The following MAP3K13 variants were observed in gnomAD, a reference collection of about 807,000 sequenced individuals.
MAP3K13 encodes the protein mitogen-activated protein kinase kinase kinase 13.
Under a neutral mutation model 104.0 loss-of-function variants are expected in MAP3K13, and 52 were observed. The ratio of observed to expected loss-of-function variants is 0.50; its 90% confidence interval spans 0.40 to 0.63. The LOEUF is 0.63. Ranked by LOEUF, MAP3K13 falls within the 20% of genes least tolerant of loss-of-function variation. The probability of loss-of-function intolerance (pLI) is 0.00; values close to 1 mark genes in which losing one functional copy is unlikely to be tolerated. For synonymous variants in MAP3K13, 394 were observed against 442.2 expected, an observed-to-expected ratio of 0.89 and a Z score of 1.37; for missense variants, 914 against 1,218.5, an observed-to-expected ratio of 0.75 and a Z score of 3.72.
chr3:185,436,208 G>T (rs1330253944), intron 2 of MAP3K13, among the ~76,000 whole-genome samples: 1 of 152,082 alleles, frequency 6.6e-6, no homozygotes, highest in Non-Finnish European at 1.5e-5. Context: ...TAGGCTTATG[G>T]TAAAAATAGT....
At chr3:185,464,319 G>A (rs1227691170) in intron 8 of MAP3K13, among the ~76,000 whole-genome samples, 4 of 152,106 alleles carry the variant, frequency 2.6e-5, no homozygotes, top group African/African-American at 9.7e-5. Context: ...ACATGTTCAC[G>A]AATAATCACT....
intron 1 of MAP3K13, among the ~76,000 whole-genome samples, chr3:185,395,649 T>C (rs6800825): frequency 0.95 from 142,919 of 151,026 alleles, 67,660 homozygotes; most frequent in East Asian, 1. Flanking sequence ...TGAGCCACCG[T>C]GCCCGGCCTT....
chr3:185,418,672 A>T lies in MAP3K13; in HGVS notation c.-85-9825A>T. 1 of 1,611,752 alleles carries T rather than the reference A, an allele frequency of 6.2e-7. No homozygotes were observed. On this transcript the variant is annotated intron_variant, in intron 1 of 13. Transcript: ENST00000265026. The surrounding 1 kb of genome is among the most constrained non-coding windows in gnomAD (Gnocchi z 4.5). Reference sequence around the variant, plus strand: ...CAAGTTGGTGTGAACAAAGTTCACAATATCTGGTCGAATAGGAGCCTTGAA... The same window carrying T: ...CAAGTTGGTGTGAACAAAGTTCACATTATCTGGTCGAATAGGAGCCTTGAA...
In MAP3K13 at chr3:185,340,682, G is replaced by A. The variant is rs550947353; in HGVS notation, c.-86+55039G>A. 4.6e-5 allele frequency among the ~76,000 whole-genome samples: 7 copies of A among 152,204 alleles called. 1 individual carries two copies. The South Asian group carries it at 1.5e-3, about 32-fold the overall frequency. On this transcript the variant is annotated intron_variant, in intron 2 of 14. Transcript: ENST00000424227. ...TCACGTGTCAAGGGCGGGACCAGGT[G>A]GAGGTAATTAGATCACGGGGGTAGT... is the stretch of plus-strand genomic sequence containing the variant.
Position 185,484,992 on chromosome 3 carries a change from G to A in MAP3K13, c.*2536G>A, listed in dbSNP as rs572381397. ...TTTCTGTGTACAACAATCATCTGAG[G>A]ACGCATGTTCTGCCCTGAAGCCCAA... is the stretch of plus-strand genomic sequence containing the variant. On this transcript the variant is annotated 3_prime_UTR_variant, in exon 14 of 14. Coordinates refer to ENST00000265026, the MANE Select transcript of MAP3K13 (RefSeq NM_004721.5). 3 of 152,210 alleles carry A rather than the reference G, an allele frequency of 2.0e-5. No individual in the cohort carries two copies. The highest frequency in any genetic ancestry group is 7.2e-5 in the African/African-American group (3 of 41,530). 9.4% of individuals were successfully genotyped at this position (152,210 alleles called of 1,614,324 possible). A position where few individuals can be genotyped will look rare whatever the true frequency, so the allele number is the denominator to read the frequency against.
intron 1 of MAP3K13, among the ~76,000 whole-genome samples, chr3:185,403,241 G>A (rs1314226390): frequency 1.3e-5 from 2 of 152,172 alleles, no homozygotes; most frequent in African/African-American, 4.8e-5. Context: ...GGAAATTGCT[G>A]AAGTCTAAAC....
Position 185,423,779 on chromosome 3 carries a change from C to T in MAP3K13, c.-85-4718C>T, listed in dbSNP as rs544025546. On this transcript the variant is annotated intron_variant, in intron 1 of 13. Coordinates refer to ENST00000265026, the MANE Select transcript of MAP3K13 (RefSeq NM_004721.5). The surrounding 1 kb of genome is among the most constrained non-coding windows in gnomAD (Gnocchi z 4.1). Reference sequence around the variant, plus strand: ...AGCTTTCAGAGCCCACGTGTGGCAGCAGGAGTTACCCTTGCTGCACACTGC... The same window carrying T: ...AGCTTTCAGAGCCCACGTGTGGCAGTAGGAGTTACCCTTGCTGCACACTGC... 8.5e-5 allele frequency among the ~76,000 whole-genome samples: 13 copies of T among 152,300 alleles called. No individual in the cohort carries two copies. The East Asian group carries it at 2.5e-3, about 29-fold the overall frequency.
chr3:185,406,352 G>A (rs1030546417), intron 1 of MAP3K13, among the ~76,000 whole-genome samples: 1 of 152,208 alleles, frequency 6.6e-6, no homozygotes, highest in Non-Finnish European at 1.5e-5. Context: ...GGCATATTTA[G>A]AAGTATGCTA....
intron 2 of MAP3K13, among the ~76,000 whole-genome samples, chr3:185,344,478 C>G (rs1722840732): frequency 6.6e-6 from 1 of 152,116 alleles, no homozygotes; most frequent in African/African-American, 2.4e-5. Context: ...CATATATTAC[C>G]CTGCTCTGCT....
intron 11 of MAP3K13, among the ~76,000 whole-genome samples, chr3:185,474,442 T>C (rs1007209544): frequency 5.3e-5 from 8 of 152,240 alleles, no homozygotes; most frequent in Non-Finnish European, 8.8e-5. Context: ...GAGCCTGTTA[T>C]AGAGTAAGTT....
At chr3:185,416,731 T>A (rs903154905) in intron 1 of MAP3K13, among the ~76,000 whole-genome samples, 11 of 151,908 alleles carry the variant, frequency 7.2e-5, no homozygotes, top group Admixed American at 2.6e-4. Context: ...TGGGCTCAAG[T>A]GATCCTCAGC....
chr3:185,293,145 T>C, intron 2 of MAP3K13: 1 of 655,758 alleles, frequency 1.5e-6, no homozygotes, highest in Non-Finnish European at 1.9e-6. Flanking sequence ...TGAGACAGAG[T>C]CTGGCTCTGT....
intron 11 of MAP3K13, among the ~76,000 whole-genome samples, chr3:185,476,309 T>C (rs1242186473): frequency 6.8e-6 from 1 of 147,412 alleles, no homozygotes; most frequent in Non-Finnish European, 1.5e-5. Flanking sequence ...TAGGGTAAAC[T>C]GCTCATCTCA....
rs957556686 is a variant in MAP3K13, at chr3:185,409,227, G to T, written c.-85-19270G>T. Among the ~76,000 whole-genome samples, 3 of 152,194 alleles carry T rather than the reference G, an allele frequency of 2.0e-5. No homozygotes were observed. In the East Asian group the frequency reaches 5.8e-4, roughly 29 times the overall value. On this transcript the variant is annotated intron_variant, in intron 1 of 13. Coordinates refer to ENST00000265026, the MANE Select transcript of MAP3K13 (RefSeq NM_004721.5). Reference sequence around the variant, plus strand: ...TACCAAAAATACAAAAATTAGCCAGGCGTGGTGGTGTGTGCCTGTAGTCCC... The same window carrying T: ...TACCAAAAATACAAAAATTAGCCAGTCGTGGTGGTGTGTGCCTGTAGTCCC...
At chr3:185,467,849 C>T (rs1160181855) in intron 10 of MAP3K13, among the ~76,000 whole-genome samples, 2 of 151,438 alleles carry the variant, frequency 1.3e-5, no homozygotes, top group African/African-American at 2.4e-5. Flanking sequence ...TTAATTGGCT[C>T]ATGGTTCTGC....
intron 7 of MAP3K13, among the ~76,000 whole-genome samples, chr3:185,454,856 C>A (rs200944120): frequency 5.4e-5 from 1 of 18,572 alleles, no homozygotes; most frequent in African/African-American, 1.3e-4. Context: ...GAGATATATA[C>A]ATGATATATA....
intron 1 of MAP3K13, among the ~76,000 whole-genome samples, chr3:185,369,502 C>T (rs1300368079): frequency 6.6e-6 from 1 of 152,134 alleles, no homozygotes; most frequent in Non-Finnish European, 1.5e-5. Context: ...CTTTTAAACT[C>T]GCATGCTTCT....
chr3:185,301,728 C>T (rs1050960001), intron 2 of MAP3K13, among the ~76,000 whole-genome samples: 1 of 152,222 alleles, frequency 6.6e-6, no homozygotes, highest in Non-Finnish European at 1.5e-5. Context: ...GTTGAAGAGA[C>T]TGTCCTTTTC....
chr3:185,293,864 A>G (rs148341271), intron 2 of MAP3K13, among the ~76,000 whole-genome samples: 57 of 152,284 alleles, frequency 3.7e-4, no homozygotes, highest in African/African-American at 1.3e-3. Context: ...TTATGGTGTA[A>G]TTGAAATATT....
Sources: gnomAD v4.1 joint callset for allele counts (sites outside exome capture counted in the v4.1 genomes callset) on GRCh38, gnomAD v4.1.1 for gene constraint, Gnocchi (gnomAD v3.1) non-coding constraint, MANE v1.5 for transcripts, NCBI Gene and HGNC (gene_info 2026-07-23, HGNC 2026-07-21) for gene names.